LCTL: variants seen among roughly 807,000 people sequenced by gnomAD.
LCTL encodes lactase-like protein.
In LCTL, 76 loss-of-function variants were observed where a neutral mutation model predicts 75.8. The ratio of observed to expected loss-of-function variants is 1.00; its 90% CI spans 0.83 to 1.21. The LOEUF is 1.21. Ranked by LOEUF, LCTL falls within the 50% of genes most tolerant of loss-of-function variation. The pLI is 0.00. For missense variants in LCTL, 670 were observed against 712.4 expected (o/e 0.94, Z 0.68); for synonymous variants, 271 against 268.8 (o/e 1.01, Z -0.08).
At chr15:66,564,862 G>T in intron 1 of LCTL, 23 bp from the exon 3 acceptor site, 1 of 1,600,968 alleles carries the variant, frequency 6.2e-7, no homozygotes, top group Non-Finnish European at 8.5e-7. Context: ...ACCCGTGCTG[G>T]GTCCCAGGTG....
chr15:66,549,989 A>G, intron 12 of LCTL, 52 bp downstream of exon 13: 2 of 1,246,486 alleles, frequency 1.6e-6, no homozygotes, highest in South Asian at 1.5e-5. Flanking sequence ...AATGATATGT[A>G]TAATTATTTA....
intron 4 of LCTL, among the ~76,000 whole-genome samples, chr15:66,563,303 C>G (rs570716810): frequency 6.6e-6 from 1 of 152,324 alleles, no homozygotes; most frequent in South Asian, 2.1e-4. Context: ...CCGTTCTTTA[C>G]AAGTTACCCA....
intron 8 of LCTL, among the ~76,000 whole-genome samples, chr15:66,555,550 AAAAAAGAAAGAAAG>A (rs1295662321): frequency 1.3e-5 from 2 of 152,140 alleles, no homozygotes; most frequent in African/African-American, 4.8e-5. Flanking sequence ...CAAAAATAAA[AAAAAAGAAAGAAAG>A]AAAAAGAAAA....
At position 66,551,741 on chromosome 15, in the gene LCTL, T is replaced by TAA. The variant is rs761989487; in HGVS notation, c.1444_1445insTT (p.Asn482IlefsTer53). On this transcript the variant is annotated frameshift_variant, in exon 11 of 13. Transcript: ENST00000341509. LOFTEE classifies it high-confidence loss of function. ...TGAAGCCTTTGGATAGCGAGGCTTA[T>TAA]TTCTGTCGTTAAATTCAACATAGTA... The TAA allele has an allele frequency of 6.2e-7, 1 of 1,613,948 alleles. No individual in the cohort carries two copies. The highest frequency in any genetic ancestry group is 1.3e-5 in the African/African-American group (1 of 74,940).
At chr15:66,549,391 T>G (rs1429245231) in intron 12 of LCTL, 1 of 152,256 alleles carries the variant, frequency 6.6e-6, no homozygotes, top group African/African-American at 2.4e-5. Context: ...ACCTTCCATC[T>G]TTGCTACCAC....
intron 8 of LCTL, among the ~76,000 whole-genome samples, chr15:66,556,743 C>T (rs776040937): frequency 7.9e-5 from 12 of 152,158 alleles, no homozygotes; most frequent in Non-Finnish European, 1.5e-4. Context: ...CTTATATGAG[C>T]TACTTAGTCA....
chr15:66,549,353 T>C (rs1297187425), intron 12 of LCTL: 4 of 152,204 alleles, frequency 2.6e-5, no homozygotes, highest in African/African-American at 9.7e-5. Context: ...CCTGTAAAAA[T>C]AGCTAGTTTG....
At chr15:66,550,918 C>T (rs1021058007) in intron 11 of LCTL, among the ~76,000 whole-genome samples, 3 of 152,116 alleles carry the variant, frequency 2.0e-5, no homozygotes, top group Admixed American at 6.5e-5. Context: ...CTTTAGATCT[C>T]ATTTTGAAGC....
chr15:66,552,612 G>T (rs1567058410), intron 9 of LCTL, among the ~76,000 whole-genome samples: 3 of 149,482 alleles, frequency 2.0e-5, no homozygotes. Context: ...AGAGGTGGCA[G>T]TGAGCCGAGA....
chr15:66,560,863 C>T, intron 6 of LCTL, 143 bp downstream of exon 7: 1 of 682,268 alleles, frequency 1.5e-6, no homozygotes, highest in Admixed American at 2.7e-5. Flanking sequence ...AACACGCCCT[C>T]CATAAATCGT....
In LCTL at chr15:66,550,011, A is replaced by AATT. The variant is rs760694545; in HGVS notation, c.1588+29_1588+30insAAT. 4 of 1,473,434 alleles carry AATT rather than the reference A, an allele frequency of 2.7e-6. No homozygotes were observed. In the African/African-American group the frequency reaches 5.7e-5, roughly 21 times the overall value. The allele number at this position is 1,473,434 out of a possible 1,614,324, so 91.3% of individuals were successfully genotyped here. ...TGTATAATTATTTAGTTTAATTATT[A>AATT]AAGGAAAACATTGAAATATACTGAC... is the stretch of plus-strand genomic sequence containing the variant. On this transcript the variant is annotated intron_variant, in intron 12 of 12. Coordinates refer to ENST00000341509, the Ensembl canonical transcript of LCTL.
chr15:66,563,604 C>T (rs1895948842), exon 4 of LCTL: 3 of 1,610,892 alleles, frequency 1.9e-6, no homozygotes, highest in Admixed American at 1.7e-5. Context: ...GAATTCGATT[C>T]CCTTCTTGTT....
intron 1 of LCTL, 35 bp from the exon 3 acceptor site, chr15:66,564,874 T>C (rs1252486380): frequency 6.3e-7 from 1 of 1,590,884 alleles, no homozygotes. Flanking sequence ...TCCCAGGTGC[T>C]CCCATGTGTC....
intron 6 of LCTL, among the ~76,000 whole-genome samples, chr15:66,559,695 G>T (rs897528337): frequency 4.0e-5 from 6 of 151,496 alleles, no homozygotes; most frequent in Non-Finnish European, 8.8e-5. Context: ...GCGACAGAGC[G>T]AGAATCTGTC....
At chr15:66,555,766 T>C (rs1283103076) in intron 8 of LCTL, among the ~76,000 whole-genome samples, 1 of 152,116 alleles carries the variant, frequency 6.6e-6, no homozygotes, top group Non-Finnish European at 1.5e-5. Context: ...GGAGGAAATA[T>C]TTGCATATCA....
intron 6 of LCTL, among the ~76,000 whole-genome samples, chr15:66,558,708 T>A (rs1330989046): frequency 2.0e-5 from 2 of 97,676 alleles, no homozygotes; most frequent in Non-Finnish European, 4.8e-5. Context: ...TTTTTTTTTT[T>A]ATCTTGAGAT....
At chr15:66,556,279 A>G (rs1025102295) in intron 8 of LCTL, among the ~76,000 whole-genome samples, 9 of 152,156 alleles carry the variant, frequency 5.9e-5, no homozygotes, top group Admixed American at 5.2e-4. Flanking sequence ...ATGAATAAGC[A>G]TAATATGATA....
intron 8 of LCTL, among the ~76,000 whole-genome samples, chr15:66,556,373 C>A (rs900037192): frequency 1.3e-5 from 2 of 152,062 alleles, no homozygotes; most frequent in Admixed American, 6.5e-5. Flanking sequence ...GGCGAGATCT[C>A]GGCCCACTGC....
chr15:66,565,608 C>T (rs1941334023), upstream of LCTL: 2 of 485,172 alleles, frequency 4.1e-6, no homozygotes, highest in South Asian at 5.9e-5. Context: ...TACCTTGGCT[C>T]CTGTCTGATG....
Sources: gnomAD v4.1 joint callset for allele counts (sites outside exome capture counted in the v4.1 genomes callset) on GRCh38, gnomAD v4.1.1 for gene constraint, MANE v1.5 for transcripts, NCBI Gene and HGNC (gene_info 2026-07-23, HGNC 2026-07-21) for gene names.